IL1RAPL1: variants seen among roughly 807,000 people sequenced by gnomAD.
IL1RAPL1 encodes the protein interleukin-1 receptor accessory protein-like 1.
IL1RAPL1 carries 3 observed loss-of-function variants against 48.4 expected under a neutral mutation model. That is an observed-to-expected ratio of 0.06 (90% CI 0.03 to 0.16). The LOEUF is 0.16. IL1RAPL1 is among the 10% of genes least tolerant of loss of function. IL1RAPL1 has a pLI of 1.00. For missense variants in IL1RAPL1, 349 were observed against 530.6 expected (o/e 0.66, Z 3.36); for synonymous variants, 185 against 187.7 (o/e 0.99, Z 0.12).
intron 3 of IL1RAPL1, among the ~76,000 whole-genome samples, chrX:29,303,465 C>A (rs1932569352): frequency 9.0e-6 from 1 of 111,569 alleles, no homozygotes; most frequent in Admixed American, 9.5e-5. Flanking sequence ...ATAATTGTAT[C>A]TATTTTAGAA....
At chrX:29,178,434 TG>T (rs2147518654) in intron 2 of IL1RAPL1, among the ~76,000 whole-genome samples, 1 of 112,190 alleles carries the variant, frequency 8.9e-6, no homozygotes, top group African/African-American at 3.2e-5. Flanking sequence ...CACTTTTGGA[TG>T]GGGTTGTTTG....
At chrX:29,116,118 A>G (rs1928673107) in intron 2 of IL1RAPL1, among the ~76,000 whole-genome samples, 1 of 111,361 alleles carries the variant, frequency 9.0e-6, no homozygotes, top group Non-Finnish European at 1.9e-5. Flanking sequence ...TTATAGCTAT[A>G]GTTTTATATA....
intron 3 of IL1RAPL1, among the ~76,000 whole-genome samples, chrX:29,287,241 A>G (rs1459219902): frequency 1.8e-5 from 2 of 112,128 alleles, no homozygotes; most frequent in East Asian, 5.5e-4. Context: ...TTTGAAATCC[A>G]TCCAAGTTGT....
chrX:29,039,283 A>AT (rs1926791769), intron 2 of IL1RAPL1, among the ~76,000 whole-genome samples: 1 of 111,546 alleles, frequency 9.0e-6, no homozygotes. Flanking sequence ...CAAGTCTGTT[A>AT]TAAAAAAAAA....
At position 28,779,499 on chromosome X, in the gene IL1RAPL1, A is replaced by C. The variant is rs111332044; in HGVS notation, c.-24-9821A>C. Among the ~76,000 whole-genome samples the C allele has an allele frequency of 3.3e-3, 352 of 107,310 alleles. 3 individuals carry two copies. The highest frequency in any genetic ancestry group is 0.011 in the African/African-American group (338 of 29,690). 93.2% of individuals were successfully genotyped at this position (107,310 alleles called of 115,157 possible). On this transcript the variant is annotated intron_variant, in intron 1 of 10. Coordinates refer to ENST00000378993, the MANE Select transcript of IL1RAPL1 (RefSeq NM_014271.4). The stretch of plus-strand genomic sequence containing the variant: ...CATGATACTAAGCTCTGACTAGAAT[A>C]CGAAATCTAACCCGAATTAGTTTAT...
At chrX:28,651,965 A>C (rs1049655543) in intron 1 of IL1RAPL1, among the ~76,000 whole-genome samples, 2 of 111,694 alleles carry the variant, frequency 1.8e-5, no homozygotes, top group African/African-American at 3.3e-5. Context: ...ATCCCTCCAC[A>C]AGAACATTTC....
chrX:28,860,423 G>T (rs1921911372), intron 2 of IL1RAPL1, among the ~76,000 whole-genome samples: 1 of 108,733 alleles, frequency 9.2e-6, no homozygotes, highest in South Asian at 3.9e-4. Context: ...TATTTTAGGA[G>T]ATAATATATA....
chrX:29,359,148 G>A (rs1933344593), intron 3 of IL1RAPL1, among the ~76,000 whole-genome samples: 1 of 111,655 alleles, frequency 9.0e-6, no homozygotes, highest in African/African-American at 3.3e-5. Context: ...AAGAAAATAT[G>A]TTCATTCAGA....
chrX:29,493,154 G>T (rs1935176439), intron 5 of IL1RAPL1, among the ~76,000 whole-genome samples: 1 of 111,622 alleles, frequency 9.0e-6, no homozygotes, highest in African/African-American at 3.3e-5. Flanking sequence ...GTTTATTCAG[G>T]ACAATGAGCT....
At chrX:28,958,496 G>A (rs1924677922) in intron 2 of IL1RAPL1, among the ~76,000 whole-genome samples, 2 of 111,584 alleles carry the variant, frequency 1.8e-5, no homozygotes, top group Non-Finnish European at 3.8e-5. Context: ...ATCCATACTG[G>A]GGCAAGTAAG....
rs577872715 is a variant in IL1RAPL1, at chrX:29,592,056, T to A, written c.704-76374T>A. Among the ~76,000 whole-genome samples the A allele has an allele frequency of 1.6e-4, 18 of 111,677 alleles. No homozygotes were observed. The South Asian group carries it at 6.8e-3, about 42-fold the overall frequency. On this transcript the variant is annotated intron_variant, in intron 5 of 10. Transcript: ENST00000378993. ...AATGGGGAAACTCACACAGGATGGG[T>A]TCATTTTCTACAATGCTTCAGGTGA...
At chrX:29,553,369 T>G (rs753516833) in intron 5 of IL1RAPL1, among the ~76,000 whole-genome samples, 101 of 111,885 alleles carry the variant, frequency 9.0e-4, no homozygotes, top group Non-Finnish European at 1.2e-3. Context: ...GAAGTTTTTC[T>G]CAGATAGAGT....
intron 6 of IL1RAPL1, among the ~76,000 whole-genome samples, chrX:29,843,699 T>A (rs1050024191): frequency 9.0e-6 from 1 of 110,824 alleles, no homozygotes; most frequent in Non-Finnish European, 1.9e-5. Context: ...ACATGACTGT[T>A]TACTCCATCT....
At chrX:29,146,360 G>A (rs1929350410) in intron 2 of IL1RAPL1, among the ~76,000 whole-genome samples, 1 of 110,492 alleles carries the variant, frequency 9.1e-6, no homozygotes, top group Non-Finnish European at 1.9e-5. Flanking sequence ...CTATAAATAG[G>A]GCATTTCCAG....
At chrX:29,817,320 C>T (rs1261261517) in intron 6 of IL1RAPL1, among the ~76,000 whole-genome samples, 1 of 111,903 alleles carries the variant, frequency 8.9e-6, no homozygotes, top group Non-Finnish European at 1.9e-5. Context: ...GATTTTAATG[C>T]ATTTTGCATT....
intron 2 of IL1RAPL1, among the ~76,000 whole-genome samples, chrX:28,806,181 C>T (rs1461729428): frequency 8.9e-6 from 1 of 111,790 alleles, no homozygotes; most frequent in South Asian, 3.7e-4. Context: ...GTTTACATTT[C>T]TCTGAAAAGG....
intron 6 of IL1RAPL1, among the ~76,000 whole-genome samples, chrX:29,675,144 A>G (rs1466951206): frequency 8.9e-6 from 1 of 112,351 alleles, no homozygotes; most frequent in Non-Finnish European, 1.9e-5. Flanking sequence ...TAAACAGACA[A>G]CCTACAGAAT....
intron 6 of IL1RAPL1, among the ~76,000 whole-genome samples, chrX:29,867,313 G>T (rs1261540325): frequency 1.8e-5 from 2 of 111,634 alleles, no homozygotes; most frequent in Non-Finnish European, 1.9e-5. Flanking sequence ...GTATCCCCTA[G>T]AATTCCTATT....
At chrX:29,635,401 C>T (rs1478448942) in intron 5 of IL1RAPL1, among the ~76,000 whole-genome samples, 1 of 111,654 alleles carries the variant, frequency 9.0e-6, no homozygotes, top group Non-Finnish European at 1.9e-5. Flanking sequence ...ACACTTGAAG[C>T]AAAAATCAAT....
Sources: gnomAD v4.1 joint callset for allele counts (sites outside exome capture counted in the v4.1 genomes callset) on GRCh38, gnomAD v4.1.1 for gene constraint, MANE v1.5 for transcripts, NCBI Gene and HGNC (gene_info 2026-07-23, HGNC 2026-07-21) for gene names.